The following CNTNAP2 variants were observed in gnomAD, a reference collection of about 807,000 sequenced individuals.
The protein encoded by CNTNAP2 is contactin-associated protein-like 2.
CNTNAP2 carries 98 observed loss-of-function variants against 155.2 expected under a neutral mutation model. That is an observed-to-expected ratio of 0.63 (90% CI 0.54 to 0.75). CNTNAP2 has a LOEUF of 0.75. Among genes scored for constraint, CNTNAP2 ranks in the 30% least tolerant of loss-of-function variants. The pLI, the probability that CNTNAP2 is intolerant of heterozygous loss-of-function variation, is 0.00. For synonymous variants in CNTNAP2, 651 were observed against 631.2 expected, an observed-to-expected ratio of 1.03 and a Z score of -0.47; for missense variants, 1,727 against 1,688.1, an observed-to-expected ratio of 1.02 and a Z score of -0.40.
intron 13 of CNTNAP2, among the ~76,000 whole-genome samples, chr7:147,662,869 A>G (rs6947112): frequency 0.14 from 21,266 of 152,238 alleles, 2,279 homozygotes; most frequent in African/African-American, 0.3. Flanking sequence ...TGATTTGAAT[A>G]TAACTCCAAT....
At chr7:147,340,649 ACAC>A (rs1563166858) in intron 9 of CNTNAP2, among the ~76,000 whole-genome samples, 3 of 152,086 alleles carry the variant, frequency 2.0e-5, no homozygotes, top group Non-Finnish European at 2.9e-5. Flanking sequence ...TGTCCTAAAA[ACAC>A]TTATATGTCC....
At chr7:146,809,001 T>A (rs1295184834) in intron 2 of CNTNAP2, among the ~76,000 whole-genome samples, 1 of 152,232 alleles carries the variant, frequency 6.6e-6, no homozygotes, top group African/African-American at 2.4e-5. Context: ...ATATCTTGGC[T>A]ATTGGGAATA....
At chr7:147,118,011 G>T (rs1335060968) in intron 5 of CNTNAP2, among the ~76,000 whole-genome samples, 1 of 151,932 alleles carries the variant, frequency 6.6e-6, no homozygotes, top group Non-Finnish European at 1.5e-5. Context: ...TATAAATCAT[G>T]AATAAGAAAT....
chr7:147,194,094 C>G (rs1042148701), intron 8 of CNTNAP2, among the ~76,000 whole-genome samples: 2 of 151,860 alleles, frequency 1.3e-5, no homozygotes, highest in African/African-American at 4.8e-5. Flanking sequence ...CCCCCACCCC[C>G]CAACAGGCCC....
intron 1 of CNTNAP2, among the ~76,000 whole-genome samples, chr7:146,590,954 C>G (rs1445757281): frequency 6.6e-6 from 1 of 151,984 alleles, no homozygotes; most frequent in Non-Finnish European, 1.5e-5. Context: ...TAAGTTCTGA[C>G]ATGTGACTAA....
At chr7:147,000,805 C>T (rs911976529) in intron 3 of CNTNAP2, among the ~76,000 whole-genome samples, 6 of 152,116 alleles carry the variant, frequency 3.9e-5, no homozygotes, top group African/African-American at 1.2e-4. Context: ...AATCCCATGA[C>T]CTCTGAGGTC....
At chr7:146,243,796 C>T (rs1357314013) in intron 1 of CNTNAP2, among the ~76,000 whole-genome samples, 2 of 152,058 alleles carry the variant, frequency 1.3e-5, no homozygotes, top group East Asian at 3.9e-4. Flanking sequence ...ATAAATAAAG[C>T]ACAGCTTACT....
intron 1 of CNTNAP2, among the ~76,000 whole-genome samples, chr7:146,513,400 TTGGGTTTAGTAATTTTTCTC>T (rs1797496183): frequency 1.3e-5 from 2 of 151,920 alleles, no homozygotes; most frequent in African/African-American, 4.8e-5. Context: ...CATCTTCCGT[TTGGGTTTAGTAATTTTTCTC>T]TGGTAGTATG....
chr7:146,417,386 A>G (rs1003989202), intron 1 of CNTNAP2, among the ~76,000 whole-genome samples: 2 of 152,162 alleles, frequency 1.3e-5, no homozygotes, highest in Non-Finnish European at 2.9e-5. Context: ...AACTAAATTT[A>G]TGTCATAGAT....
intron 13 of CNTNAP2, among the ~76,000 whole-genome samples, chr7:147,703,599 A>G (rs534433327): frequency 2.0e-5 from 3 of 152,178 alleles, no homozygotes; most frequent in Non-Finnish European, 2.9e-5. Context: ...AGCTGTATGT[A>G]TTTATGAGAT....
intron 1 of CNTNAP2, among the ~76,000 whole-genome samples, chr7:146,296,792 A>G (rs1023997459): frequency 1.3e-5 from 2 of 152,174 alleles, no homozygotes; most frequent in African/African-American, 4.8e-5. Context: ...AAATACCGAG[A>G]TCCAGATGAA....
chr7:147,648,528 A>G lies in CNTNAP2; in HGVS notation c.2098+9222A>G, dbSNP rs188921957. The stretch of plus-strand genomic sequence containing the variant: ...GGCAATTTACAAAAGAAAGAGTTTT[A>G]ATGGACTCACAGTTCCACATGGCTG... On this transcript the variant is annotated intron_variant, in intron 13 of 23. Transcript: ENST00000361727. 2.7e-3 allele frequency among the ~76,000 whole-genome samples: 410 copies of G among 152,332 alleles called. 2 individuals are homozygous for G. Among genetic ancestry groups the G allele is most frequent in the African/African-American group, 9.3e-3 (388 of 41,582 alleles).
chr7:147,083,754 T>A (rs1800196940), intron 4 of CNTNAP2, among the ~76,000 whole-genome samples: 1 of 142,940 alleles, frequency 7.0e-6, no homozygotes, highest in South Asian at 2.2e-4. Flanking sequence ...ATATATAGGA[T>A]TATATATGTG....
chr7:146,998,342 C>T (rs889158701), intron 3 of CNTNAP2, among the ~76,000 whole-genome samples: 3 of 151,942 alleles, frequency 2.0e-5, no homozygotes, highest in African/African-American at 7.2e-5. Context: ...AATTTTCCAA[C>T]GTTCCCCCTG....
intron 3 of CNTNAP2, among the ~76,000 whole-genome samples, chr7:146,911,966 C>T (rs1357345325): frequency 6.6e-6 from 1 of 151,862 alleles, no homozygotes; most frequent in Admixed American, 6.6e-5. Context: ...TGATTTCTTT[C>T]CTTTGATTAA....
chr7:148,270,335 CTG>C (rs1447283763), intron 21 of CNTNAP2, among the ~76,000 whole-genome samples: 2 of 152,168 alleles, frequency 1.3e-5, no homozygotes, highest in Non-Finnish European at 2.9e-5. Context: ...AACTAGGTAA[CTG>C]TGCATGTGGC....
intron 1 of CNTNAP2, among the ~76,000 whole-genome samples, chr7:146,605,181 C>G (rs960279795): frequency 2.0e-5 from 3 of 150,460 alleles, no homozygotes; most frequent in African/African-American, 7.3e-5. Flanking sequence ...CTGAAAGTTC[C>G]ATGGACATAG....
chr7:147,859,501 G>C (rs1264167216), intron 13 of CNTNAP2, among the ~76,000 whole-genome samples: 1 of 151,368 alleles, frequency 6.6e-6, no homozygotes, highest in Non-Finnish European at 1.5e-5. Flanking sequence ...TCACAAGAAG[G>C]TAGTATTTAT....
rs1798236859 is a variant in CNTNAP2 at position 147,472,223 on chromosome 7, T to C, written c.1671-13712T>C. Among the ~76,000 whole-genome samples, 3 of 142,662 alleles carry C rather than the reference T, an allele frequency of 2.1e-5. 1 individual carries two copies. The highest frequency in any genetic ancestry group is 4.6e-4 in the South Asian group (2 of 4,318). The allele number at this position is 142,662 out of a possible 152,430, so 93.6% of individuals were successfully genotyped here. On this transcript the variant is annotated intron_variant, in intron 10 of 23. Coordinates refer to ENST00000361727, the MANE Select transcript of CNTNAP2 (RefSeq NM_014141.6). ...TTTTTCCTTTTTTTTTTTTTTTTTT[T>C]TTTTTTTGAGACTGAGTCTCACTCA...
Sources: allele counts gnomAD v4.1 joint callset (sites outside exome capture counted in the v4.1 genomes callset), GRCh38; gene constraint gnomAD v4.1.1; transcripts MANE v1.5; gene names NCBI Gene and HGNC (gene_info 2026-07-23, HGNC 2026-07-21).